L3MBTL4: variants seen among roughly 807,000 people sequenced by gnomAD.
L3MBTL4 encodes the protein lethal(3)malignant brain tumor-like protein 4.
L3MBTL4 carries 70 observed loss-of-function variants against 84.5 expected under a neutral mutation model. The ratio of observed to expected loss-of-function variants is 0.83; its 90% CI spans 0.68 to 1.01. The LOEUF is 1.01. Among genes scored for constraint, L3MBTL4 ranks in the 50% least tolerant of loss-of-function variants. L3MBTL4 has a pLI of 0.00. For missense variants in L3MBTL4, 715 were observed against 754.8 expected, an observed-to-expected ratio of 0.95 and a Z score of 0.62; for synonymous variants, 274 against 259.8, an observed-to-expected ratio of 1.05 and a Z score of -0.52.
chr18:6,094,649 A>G (rs1261553795), intron 14 of L3MBTL4, among the ~76,000 whole-genome samples: 1 of 152,178 alleles, frequency 6.6e-6, no homozygotes, highest in Non-Finnish European at 1.5e-5. Flanking sequence ...TTCTGAATAC[A>G]TGAAAGCTTT....
intron 3 of L3MBTL4, among the ~76,000 whole-genome samples, chr18:6,308,253 GGT>G (rs2050679502): frequency 6.6e-6 from 1 of 152,116 alleles, no homozygotes; most frequent in African/African-American, 2.4e-5. Flanking sequence ...CATAAACAGA[GGT>G]TTACCCATAC....
chr18:6,212,980 T>C lies in L3MBTL4; in HGVS notation c.981+169A>G, dbSNP rs914720377. 1.4e-4 allele frequency among the ~76,000 whole-genome samples: 21 copies of C among 152,210 alleles called. 1 individual carries two copies. The highest frequency in any genetic ancestry group is 1.4e-3 in the Admixed American group (21 of 15,282). The stretch of plus-strand genomic sequence containing the variant: ...TTTTTAGGGATCCTCTAGTCCCATC[T>C]TGGCCAGGGTCAATCTTCAAGGTCA... On this transcript the variant is annotated intron_variant, in intron 12 of 18. Transcript: ENST00000317931.
chr18:6,254,981 G>A (rs2048078187), intron 5 of L3MBTL4, among the ~76,000 whole-genome samples: 1 of 152,126 alleles, frequency 6.6e-6, no homozygotes, highest in Non-Finnish European at 1.5e-5. Context: ...CATAATACAG[G>A]ACTGCACAGA....
intron 16 of L3MBTL4, among the ~76,000 whole-genome samples, chr18:5,977,958 G>C (rs2053026085): frequency 6.6e-6 from 1 of 152,314 alleles, no homozygotes; most frequent in South Asian, 2.1e-4. Flanking sequence ...CTCATGAACA[G>C]AGTAAGAAGT....
intron 16 of L3MBTL4, among the ~76,000 whole-genome samples, chr18:5,992,217 G>A (rs779564795): frequency 2.6e-5 from 4 of 152,188 alleles, no homozygotes; most frequent in East Asian, 3.9e-4. Flanking sequence ...GAGGAGCCCC[G>A]GGAGGGGAGG....
intron 13 of L3MBTL4, among the ~76,000 whole-genome samples, chr18:6,166,352 C>G (rs1277648285): frequency 6.7e-6 from 1 of 150,292 alleles, no homozygotes; most frequent in Non-Finnish European, 1.5e-5. Flanking sequence ...ACAGAACTCT[C>G]CACCCCAAAC....
At chr18:6,186,180 TTTTTGTATTTAGTA>T (rs2044751852) in intron 12 of L3MBTL4, among the ~76,000 whole-genome samples, 2 of 151,292 alleles carry the variant, frequency 1.3e-5, no homozygotes, top group Admixed American at 1.3e-4. Flanking sequence ...GCCTGGCTGA[TTTTTGTATTTAGTA>T]TTTTGTATTT....
intron 14 of L3MBTL4, among the ~76,000 whole-genome samples, chr18:6,133,601 GA>G (rs1166334438): frequency 6.6e-6 from 1 of 151,840 alleles, no homozygotes; most frequent in African/African-American, 2.4e-5. Flanking sequence ...AACAGATTGT[GA>G]AAAAAAATGT....
chr18:6,043,435 G>A (rs890279857), intron 16 of L3MBTL4, among the ~76,000 whole-genome samples: 3 of 152,018 alleles, frequency 2.0e-5, no homozygotes, highest in Admixed American at 6.5e-5. Context: ...TCCGTGCTAG[G>A]CTCTTTCTTC....
At chr18:5,962,001 C>T (rs983269496) in intron 17 of L3MBTL4, among the ~76,000 whole-genome samples, 1 of 152,152 alleles carries the variant, frequency 6.6e-6, no homozygotes, top group African/African-American at 2.4e-5. Context: ...TATATATACT[C>T]CAACCCTGTC....
intron 15 of L3MBTL4, among the ~76,000 whole-genome samples, chr18:6,081,495 T>C (rs2058076319): frequency 6.6e-6 from 1 of 152,242 alleles, no homozygotes; most frequent in Non-Finnish European, 1.5e-5. Flanking sequence ...TACTTTATAA[T>C]GAATATGGAA....
At chr18:6,266,906 G>C (rs565993687) in intron 4 of L3MBTL4, among the ~76,000 whole-genome samples, 1 of 152,092 alleles carries the variant, frequency 6.6e-6, no homozygotes, top group East Asian at 1.9e-4. Context: ...CTGGGCGACA[G>C]AGTGAAACTC....
intron 12 of L3MBTL4, among the ~76,000 whole-genome samples, chr18:6,193,220 T>C (rs1215739719): frequency 6.6e-6 from 1 of 151,830 alleles, no homozygotes; most frequent in Admixed American, 6.6e-5. Context: ...ATCGCCTGCA[T>C]GTGTACTAAA....
chr18:6,345,898 G>A (rs985348306), intron 1 of L3MBTL4, among the ~76,000 whole-genome samples: 1 of 151,724 alleles, frequency 6.6e-6, no homozygotes, highest in African/African-American at 2.4e-5. Context: ...AAAACTAGAG[G>A]CATCACAATT....
intron 13 of L3MBTL4, among the ~76,000 whole-genome samples, chr18:6,169,407 T>C (rs1055786728): frequency 4.6e-5 from 7 of 152,066 alleles, no homozygotes; most frequent in East Asian, 1.9e-4. Context: ...CTATTCACAA[T>C]AGCAAAGACT....
intron 5 of L3MBTL4, among the ~76,000 whole-genome samples, chr18:6,256,375 T>C (rs971451951): frequency 3.3e-5 from 5 of 152,040 alleles, no homozygotes; most frequent in African/African-American, 1.2e-4. Context: ...AATAGGAATG[T>C]GTTCAAATAA....
chr18:6,070,491 C>T (rs2057548907), intron 16 of L3MBTL4, among the ~76,000 whole-genome samples: 1 of 149,050 alleles, frequency 6.7e-6, no homozygotes, highest in South Asian at 2.1e-4. Context: ...AAGGATATTT[C>T]TGGACAAAGA....
At chr18:6,131,800 C>G (rs943932616) in intron 14 of L3MBTL4, among the ~76,000 whole-genome samples, 1 of 152,104 alleles carries the variant, frequency 6.6e-6, no homozygotes, top group Non-Finnish European at 1.5e-5. Context: ...AAGGTTGGTA[C>G]TGAAGAACAA....
At chr18:6,322,783 G>A (rs1249459475) in intron 1 of L3MBTL4, among the ~76,000 whole-genome samples, 1 of 152,102 alleles carries the variant, frequency 6.6e-6, no homozygotes, top group Non-Finnish European at 1.5e-5. Flanking sequence ...GATGGTAAAT[G>A]GGTACCAAAA....
Sources: gnomAD v4.1 joint callset for allele counts (sites outside exome capture counted in the v4.1 genomes callset) on GRCh38, gnomAD v4.1.1 for gene constraint, MANE v1.5 for transcripts, NCBI Gene and HGNC (gene_info 2026-07-23, HGNC 2026-07-21) for gene names.